CYP19A1: variants seen among roughly 807,000 people sequenced by gnomAD.
The protein encoded by CYP19A1 is cytochrome P450 family 19 subfamily A member 1.
CYP19A1 carries 32 observed loss-of-function variants against 44.4 expected under a neutral mutation model. The observed-to-expected ratio is 0.72, with a 90% CI of 0.54 to 0.97. The LOEUF (loss-of-function observed/expected upper bound fraction) is 0.97. Among genes scored for constraint, CYP19A1 ranks in the 50% least tolerant of loss-of-function variants. The pLI is 0.00. For synonymous variants in CYP19A1, 212 were observed against 215.6 expected (o/e 0.98, Z 0.14); for missense variants, 598 against 637.8 (o/e 0.94, Z 0.67).
chr15:51,221,994 C>A, intron 5 of CYP19A1: 1 of 418,650 alleles, frequency 2.4e-6, no homozygotes, highest in Non-Finnish European at 4.3e-6. Context: ...TATATCATGC[C>A]CAAAAGAACA....
At chr15:51,306,440 A>G (rs1269300440) in intron 1 of CYP19A1, among the ~76,000 whole-genome samples, 1 of 151,888 alleles carries the variant, frequency 6.6e-6, no homozygotes, top group Non-Finnish European at 1.5e-5. Flanking sequence ...GAATCATTTT[A>G]ATGTTTAAAT....
Position 51,222,543 on chromosome 15 carries a change from G to A in CYP19A1, c.452-18C>T, listed in dbSNP as rs1425234394. ...TGACAGAGCTGCAGAGTACACATCA[G>A]AGAATCAGCCATCACGAACTCCAGG... is the stretch of plus-strand genomic sequence containing the variant. On this transcript the variant is annotated intron_variant, in intron 4 of 9. Coordinates refer to ENST00000396402, the MANE Select transcript of CYP19A1 (RefSeq NM_000103.4). 2 of 1,609,140 alleles carry A rather than the reference G, an allele frequency of 1.2e-6. No individual in the cohort carries two copies. Among genetic ancestry groups the A allele is most frequent in the Non-Finnish European group, 1.7e-6 (2 of 1,176,416 alleles).
At chr15:51,252,673 G>A (rs1170244872) in intron 1 of CYP19A1, among the ~76,000 whole-genome samples, 2 of 152,182 alleles carry the variant, frequency 1.3e-5, no homozygotes, top group African/African-American at 4.8e-5. Context: ...GAATCTCCAG[G>A]TTTCTGCCAA....
intron 1 of CYP19A1, among the ~76,000 whole-genome samples, chr15:51,254,329 C>G (rs943553333): frequency 1.4e-4 from 22 of 152,202 alleles, no homozygotes; most frequent in Non-Finnish European, 2.9e-5. Flanking sequence ...TCCATCTTTT[C>G]TACCACACTT....
chr15:51,285,599 T>A (rs180788522), intron 1 of CYP19A1, among the ~76,000 whole-genome samples: 1 of 152,312 alleles, frequency 6.6e-6, no homozygotes. Context: ...GGGTCTAGAC[T>A]TGCTGGCTCC....
intron 9 of CYP19A1, among the ~76,000 whole-genome samples, chr15:51,211,879 A>G (rs961844461): frequency 3.0e-4 from 45 of 152,220 alleles, no homozygotes; most frequent in African/African-American, 1.0e-3. Context: ...TGATGAGCCA[A>G]AGGCACTTTG....
rs2030862580 is a variant in CYP19A1, at chr15:51,210,718, C to A, written c.*90G>T. 3.4e-6 allele frequency: 3 copies of A among 893,984 alleles called. No homozygotes were observed. In the Admixed American group the frequency reaches 5.1e-5, roughly 15 times the overall value. 55.4% of individuals were successfully genotyped at this position (893,984 alleles called of 1,614,324 possible). On this transcript the variant is annotated 3_prime_UTR_variant, in exon 10 of 10. Transcript: ENST00000396402. ...AATGCCATGGGCCACTGAGTGTTCACTGTGAGGATGACACTATTGGCAAGG... is the reference window on the plus strand; with the variant it reads ...AATGCCATGGGCCACTGAGTGTTCAATGTGAGGATGACACTATTGGCAAGG...
At chr15:51,325,800 T>G (rs2036599023) in intron 1 of CYP19A1, among the ~76,000 whole-genome samples, 1 of 119,006 alleles carries the variant, frequency 8.4e-6, no homozygotes, top group Non-Finnish European at 1.6e-5. Flanking sequence ...ATGGCGCCAC[T>G]GCACTCCAGC....
chr15:51,229,347 G>A (rs1486329082), intron 3 of CYP19A1, among the ~76,000 whole-genome samples: 1 of 147,176 alleles, frequency 6.8e-6, no homozygotes, highest in East Asian at 2.0e-4. Context: ...CCATGATCAA[G>A]CCATTGCACT....
At chr15:51,325,226 T>G (rs1040343881) in intron 1 of CYP19A1, among the ~76,000 whole-genome samples, 1 of 152,164 alleles carries the variant, frequency 6.6e-6, no homozygotes, top group South Asian at 2.1e-4. Context: ...CCAAGCCAAG[T>G]TGCTACAGGG....
At chr15:51,259,644 A>C (rs1412942912) in intron 1 of CYP19A1, among the ~76,000 whole-genome samples, 1 of 152,186 alleles carries the variant, frequency 6.6e-6, no homozygotes, top group Non-Finnish European at 1.5e-5. Context: ...CAAACGGTAA[A>C]CCTTGGAGCT....
intron 5 of CYP19A1, 30 bp downstream of exon 5, chr15:51,222,319 G>C: frequency 8.1e-6 from 13 of 1,614,088 alleles, no homozygotes; most frequent in Non-Finnish European, 1.1e-5. Flanking sequence ...AGGACAGATG[G>C]TCAAGATGTG....
intron 1 of CYP19A1, among the ~76,000 whole-genome samples, chr15:51,280,456 G>A (rs1272502024): frequency 6.6e-6 from 1 of 152,124 alleles, no homozygotes; most frequent in East Asian, 1.9e-4. Context: ...GGGGGCTCTG[G>A]TTTGGCTCTT....
chr15:51,311,617 A>C (rs896659609), intron 1 of CYP19A1, among the ~76,000 whole-genome samples: 12 of 152,348 alleles, frequency 7.9e-5, no homozygotes, highest in Middle Eastern at 6.8e-3. Context: ...TTTAAGATTC[A>C]AGTAGCTCGT....
intron 2 of CYP19A1, among the ~76,000 whole-genome samples, chr15:51,238,948 G>A (rs891534716): frequency 4.1e-4 from 63 of 152,292 alleles, no homozygotes; most frequent in Non-Finnish European, 1.2e-4. Flanking sequence ...AGAGAGGAGA[G>A]TATGTGAAAA....
chr15:51,309,429 G>A (rs2036271392), intron 1 of CYP19A1, among the ~76,000 whole-genome samples: 1 of 152,154 alleles, frequency 6.6e-6, no homozygotes, highest in East Asian at 1.9e-4. Flanking sequence ...TTATCTCCTT[G>A]GCAGATGGCC....
At chr15:51,242,411 C>T (rs2099469648) in intron 2 of CYP19A1, 1 of 312,096 alleles carries the variant, frequency 3.2e-6, no homozygotes, top group African/African-American at 2.2e-5. Context: ...ACATTTTCAC[C>T]TTCAGAGCAA....
At chr15:51,255,324 A>G (rs940819718) in intron 1 of CYP19A1, among the ~76,000 whole-genome samples, 1 of 152,200 alleles carries the variant, frequency 6.6e-6, no homozygotes, top group African/African-American at 2.4e-5. Flanking sequence ...TGGGGAGTTG[A>G]AGGGAGGGTA....
intron 2 of CYP19A1, among the ~76,000 whole-genome samples, chr15:51,239,724 C>T (rs755014531): frequency 6.6e-6 from 1 of 152,008 alleles, no homozygotes; most frequent in Non-Finnish European, 1.5e-5. Context: ...CAAAGGCACA[C>T]GAGGAGCTTC....
Sources: gnomAD v4.1 joint callset for allele counts (sites outside exome capture counted in the v4.1 genomes callset) on GRCh38, gnomAD v4.1.1 for gene constraint, MANE v1.5 for transcripts, NCBI Gene and HGNC (gene_info 2026-07-23, HGNC 2026-07-21) for gene names.